The following GNG7 variants were observed in gnomAD, a reference collection of about 807,000 sequenced individuals.
The protein encoded by GNG7 is G protein subunit gamma 7, also known as guanine nucleotide-binding protein G(I)/G(S)/G(O) subunit gamma-7.
In GNG7, 1 loss-of-function variant was observed where a neutral mutation model predicts 4.0. The ratio of observed to expected loss-of-function variants is 0.25; its 90% confidence interval spans 0.09 to 1.18. The LOEUF (loss-of-function observed/expected upper bound fraction) is 1.18, where lower values mean the gene tolerates loss of function less well. Among genes scored for constraint, GNG7 ranks in the 50% most tolerant of loss-of-function variants. The probability of loss-of-function intolerance (pLI) is 0.50; values close to 1 mark genes in which losing one functional copy is unlikely to be tolerated. For synonymous variants in GNG7, 34 were observed against 36.9 expected (o/e 0.92, Z 0.29); for missense variants, 86 against 91.9 (o/e 0.94, Z 0.26).
At chr19:2,568,713 CAT>C (rs759260254) in intron 2 of GNG7, among the ~76,000 whole-genome samples, 19 of 139,894 alleles carry the variant, frequency 1.4e-4, no homozygotes, top group Admixed American at 4.9e-4. Context: ...TATAGACACA[CAT>C]ATACACATAC....
At chr19:2,562,592 C>G (rs190449557) in intron 2 of GNG7, among the ~76,000 whole-genome samples, 1 of 152,326 alleles carries the variant, frequency 6.6e-6, no homozygotes, top group Non-Finnish European at 1.5e-5. Context: ...TGGGGCCATC[C>G]TGGGCACTGC....
chr19:2,677,569 G>T (rs1983625693), intron 1 of GNG7, among the ~76,000 whole-genome samples: 1 of 151,986 alleles, frequency 6.6e-6, no homozygotes, highest in South Asian at 2.1e-4. Flanking sequence ...GGGGTGGATG[G>T]CAGAAACCAA....
intron 1 of GNG7, among the ~76,000 whole-genome samples, chr19:2,655,033 T>A (rs1364879307): frequency 6.6e-6 from 1 of 151,178 alleles, no homozygotes; most frequent in African/African-American, 2.4e-5. Context: ...CAAAAAAAAT[T>A]TTAAAACATA....
intron 2 of GNG7, among the ~76,000 whole-genome samples, chr19:2,558,726 C>A (rs1979641784): frequency 1.3e-5 from 2 of 150,582 alleles, no homozygotes; most frequent in African/African-American, 4.9e-5. Context: ...TTCTTTCTTT[C>A]TCTTTTCTTT....
At chr19:2,516,599 C>G (rs1264603380) in intron 4 of GNG7, among the ~76,000 whole-genome samples, 1 of 152,206 alleles carries the variant, frequency 6.6e-6, no homozygotes, top group Admixed American at 6.5e-5. Context: ...CACAAAGGGT[C>G]AGGGACAGAT....
chr19:2,608,198 A>G (rs16991258), intron 2 of GNG7, among the ~76,000 whole-genome samples: 7,383 of 152,054 alleles, frequency 0.049, 613 homozygotes, highest in African/African-American at 0.17. Flanking sequence ...AGAACGATTC[A>G]CAGGTGGCGA....
At chr19:2,636,832 G>A (rs899054778) in intron 2 of GNG7, among the ~76,000 whole-genome samples, 20 of 152,026 alleles carry the variant, frequency 1.3e-4, no homozygotes, top group Non-Finnish European at 2.2e-4. Context: ...GGGGCTCGGG[G>A]GTGACTGAAG....
chr19:2,605,753 C>T (rs1330992837), intron 2 of GNG7, among the ~76,000 whole-genome samples: 1 of 151,952 alleles, frequency 6.6e-6, no homozygotes, highest in East Asian at 1.9e-4. Context: ...ACCTCGTGAT[C>T]TGCCCGCCTT....
In GNG7 at chr19:2,573,898, C is replaced by T. The variant is rs141048244; in HGVS notation, c.-77-18710G>A. ...GGCATTTCCCTCCCGTGGTCATATG[C>T]GAACGGGTGAATTAAATTCTTTCTG... On this transcript the variant is annotated intron_variant, in intron 2 of 4. Transcript: ENST00000382159. Among the ~76,000 whole-genome samples the T allele has an allele frequency of 7.3e-4, 111 of 152,270 alleles. 2 individuals carry two copies. The East Asian group carries it at 0.019, about 26-fold the overall frequency.
chr19:2,515,086 A>C lies in GNG7; in HGVS notation c.143T>G (p.Leu48Arg). The change falls in exon 5 of 5, where the codon CTG (leucine) becomes CGG (arginine). Residue 48 changes from leucine (L) to arginine (R), a missense_variant. Transcript: ENST00000382159. Reference sequence around the variant, plus strand: ...CTCCGAGGCAGGGACTCCGACCAGCAGGGGGTCGTTCCGGGCATGTTGCTC... The same window carrying C: ...CTCCGAGGCAGGGACTCCGACCAGCCGGGGGTCGTTCCGGGCATGTTGCTC... ...YCEQHARNDP[L>R]LVGVPASENP... is the part of the protein sequence containing the mutation. 6.2e-7 allele frequency: 1 copy of C among 1,613,990 alleles called. No individual in the cohort carries two copies. Among genetic ancestry groups the C allele is most frequent in the Non-Finnish European group, 8.5e-7 (1 of 1,179,912 alleles).
chr19:2,696,401 C>T (rs756485010), intron 1 of GNG7, among the ~76,000 whole-genome samples: 5 of 139,886 alleles, frequency 3.6e-5, no homozygotes, highest in Non-Finnish European at 6.3e-5. Flanking sequence ...AAAGGAAAGA[C>T]GAAGGAAGAA....
At chr19:2,516,689 T>A (rs1346196552) in intron 4 of GNG7, among the ~76,000 whole-genome samples, 1 of 152,102 alleles carries the variant, frequency 6.6e-6, no homozygotes, top group Non-Finnish European at 1.5e-5. Flanking sequence ...GCCTGCACAT[T>A]TGATGAGCTT....
At chr19:2,556,913 C>T (rs1033631126) in intron 2 of GNG7, among the ~76,000 whole-genome samples, 1 of 152,296 alleles carries the variant, frequency 6.6e-6, no homozygotes, top group Admixed American at 6.5e-5. Flanking sequence ...TCCCCAGACA[C>T]TGCCCCGGGT....
At chr19:2,684,655 C>A in intron 1 of GNG7, among the ~76,000 whole-genome samples, 1 of 152,208 alleles carries the variant, frequency 6.6e-6, no homozygotes, top group East Asian at 1.9e-4. Context: ...GTGATCCACT[C>A]CTAAGAGGTT....
rs538946751 is a variant in GNG7, at chr19:2,604,732, A to T, written c.-78+41492T>A. 3.9e-5 allele frequency among the ~76,000 whole-genome samples: 6 copies of T among 151,906 alleles called. No homozygotes were observed. In the South Asian group the frequency reaches 1.2e-3, roughly 32 times the overall value. ...AAAAGAGAAAGTTTTCTGCCCTATT[A>T]TGTGATTTTCACACCACCCCAAGTT... On this transcript the variant is annotated intron_variant, in intron 2 of 4. Coordinates refer to ENST00000382159, the MANE Select transcript of GNG7 (RefSeq NM_052847.3).
At chr19:2,662,441 C>T (rs971453131) in intron 1 of GNG7, among the ~76,000 whole-genome samples, 1 of 151,988 alleles carries the variant, frequency 6.6e-6, no homozygotes, top group Non-Finnish European at 1.5e-5. Flanking sequence ...ACAAGACTGC[C>T]CCTAACCTCT....
intron 2 of GNG7, among the ~76,000 whole-genome samples, chr19:2,598,579 C>T (rs1237928489): frequency 1.3e-5 from 2 of 151,696 alleles, no homozygotes; most frequent in African/African-American, 4.8e-5. Context: ...ATGGTGTGAA[C>T]CCAGGAGGCA....
chr19:2,689,881 G>A (rs1455129000), intron 1 of GNG7, among the ~76,000 whole-genome samples: 1 of 152,060 alleles, frequency 6.6e-6, no homozygotes, highest in Non-Finnish European at 1.5e-5. Context: ...TCAGCCTTGC[G>A]GTGGAGCCAC....
At chr19:2,690,017 T>C (rs961203884) in intron 1 of GNG7, among the ~76,000 whole-genome samples, 2 of 152,192 alleles carry the variant, frequency 1.3e-5, no homozygotes, top group South Asian at 4.1e-4. Flanking sequence ...GGCCTTTTCT[T>C]TGACTTTTGT....
Sources: allele counts gnomAD v4.1 joint callset (sites outside exome capture counted in the v4.1 genomes callset), GRCh38; gene constraint gnomAD v4.1.1; transcripts MANE v1.5; gene names NCBI Gene and HGNC (gene_info 2026-07-23, HGNC 2026-07-21).